The following CEP63 variants were observed in gnomAD, a reference collection of about 807,000 sequenced individuals.
The protein encoded by CEP63 is centrosomal protein of 63 kDa.
CEP63 carries 84 observed loss-of-function variants against 89.1 expected under a neutral mutation model. The observed-to-expected ratio is 0.94, with a 90% CI of 0.79 to 1.13. The LOEUF (loss-of-function observed/expected upper bound fraction) is 1.13, where lower values mean the gene tolerates loss of function less well. Ranked by LOEUF, CEP63 falls within the 50% of genes most tolerant of loss-of-function variation. The probability of loss-of-function intolerance (pLI) is 0.00; values close to 1 mark genes in which losing one functional copy is unlikely to be tolerated. For missense variants in CEP63, 838 were observed against 813.3 expected, an observed-to-expected ratio of 1.03 and a Z score of -0.37; for synonymous variants, 267 against 272.5, an observed-to-expected ratio of 0.98 and a Z score of 0.20.
chr3:134,643,400 G>A, the CEP63 span: 1 of 1,607,726 alleles, frequency 6.2e-7, no homozygotes, highest in Non-Finnish European at 8.5e-7. Flanking sequence ...AGACAGAGAG[G>A]CCTGCAGTGA....
chr3:134,674,587 T>C, the CEP63 span, among the ~76,000 whole-genome samples: 5 of 151,926 alleles, frequency 3.3e-5, no homozygotes, highest in African/African-American at 1.2e-4. Context: ...TCAGGGAAAT[T>C]AAACAAGAAA....
At chr3:134,647,644 G>C in the CEP63 span, 1 of 586,462 alleles carries the variant, frequency 1.7e-6, no homozygotes, top group South Asian at 2.3e-5. Flanking sequence ...AGATGCCCTT[G>C]AGGGAATGAA....
intron 2 of CEP63, among the ~76,000 whole-genome samples, chr3:134,499,068 A>G (rs1941122299): frequency 6.6e-6 from 1 of 151,822 alleles, no homozygotes; most frequent in African/African-American, 2.4e-5. Context: ...AGTTAGGAAA[A>G]TTTTTCTCGC....
At chr3:134,654,262 T>C in the CEP63 span, among the ~76,000 whole-genome samples, 1 of 152,160 alleles carries the variant, frequency 6.6e-6, no homozygotes, top group Non-Finnish European at 1.5e-5. Flanking sequence ...TCCTGGCAGT[T>C]GAAGCTGTCA....
chr3:134,503,571 G>A (rs769559812), intron 2 of CEP63, among the ~76,000 whole-genome samples: 1 of 152,064 alleles, frequency 6.6e-6, no homozygotes, highest in African/African-American at 2.4e-5. Context: ...TTGATTTTCT[G>A]TCTAAATCAC....
the CEP63 span, chr3:134,608,636 G>T: frequency 6.2e-7 from 1 of 1,614,002 alleles, no homozygotes. Context: ...ACTGGCACCT[G>T]CTCCGGGCTC....
At chr3:134,504,931 A>G (rs145484967) in intron 2 of CEP63, among the ~76,000 whole-genome samples, 2 of 152,220 alleles carry the variant, frequency 1.3e-5, no homozygotes, top group Non-Finnish European at 2.9e-5. Flanking sequence ...AATTTCATTT[A>G]TTGAATTCTT....
At chr3:134,645,000 T>G in the CEP63 span, among the ~76,000 whole-genome samples, 1 of 152,232 alleles carries the variant, frequency 6.6e-6, no homozygotes, top group South Asian at 2.1e-4. Flanking sequence ...TGGCAGTGCC[T>G]CGGCTGGCTG....
chr3:134,754,323 C>T, the CEP63 span, among the ~76,000 whole-genome samples: 1 of 152,160 alleles, frequency 6.6e-6, no homozygotes, highest in Non-Finnish European at 1.5e-5. Context: ...CCTGGGCTGC[C>T]CATATTCGCC....
the CEP63 span, among the ~76,000 whole-genome samples, chr3:134,707,640 G>A: frequency 1.3e-5 from 2 of 151,950 alleles, no homozygotes; most frequent in Admixed American, 1.3e-4. Context: ...TGACTTTCAG[G>A]TTGTACAACG....
the CEP63 span, among the ~76,000 whole-genome samples, chr3:134,657,675 A>G: frequency 6.6e-6 from 1 of 152,204 alleles, no homozygotes; most frequent in East Asian, 1.9e-4. Flanking sequence ...CTTAGAATAG[A>G]TTCTTGGAAG....
At chr3:134,704,105 T>A in the CEP63 span, among the ~76,000 whole-genome samples, 2 of 152,216 alleles carry the variant, frequency 1.3e-5, no homozygotes, top group Admixed American at 1.3e-4. Context: ...CGCTGCATAT[T>A]CTCCCAGGCC....
At chr3:134,496,503 G>A (rs962129373) in intron 2 of CEP63, among the ~76,000 whole-genome samples, 4 of 152,058 alleles carry the variant, frequency 2.6e-5, no homozygotes, top group Admixed American at 6.5e-5. Context: ...TGATCTGGAC[G>A]GTTGTCAACA....
the CEP63 span, among the ~76,000 whole-genome samples, chr3:134,643,807 C>T: frequency 6.6e-6 from 1 of 151,800 alleles, no homozygotes; most frequent in African/African-American, 2.4e-5. Flanking sequence ...GGTCTTCTGA[C>T]TCCCAGTTGA....
At chr3:134,645,523 A>T in the CEP63 span, among the ~76,000 whole-genome samples, 1 of 152,268 alleles carries the variant, frequency 6.6e-6, no homozygotes. Flanking sequence ...AGAAAAGGTC[A>T]GCTTCAATAC....
intron 3 of CEP63, among the ~76,000 whole-genome samples, chr3:134,523,037 T>G (rs1473284044): frequency 6.6e-6 from 1 of 152,204 alleles, no homozygotes; most frequent in Non-Finnish European, 1.5e-5. Context: ...AAGCGTTCTC[T>G]TTTCTCTGCA....
At chr3:134,733,938 T>C in the CEP63 span, among the ~76,000 whole-genome samples, 1 of 152,046 alleles carries the variant, frequency 6.6e-6, no homozygotes, top group African/African-American at 2.4e-5. Flanking sequence ...TCTTATTCAA[T>C]GGGGAAAAAC....
chr3:134,780,395 G>A, the CEP63 span: 1 of 152,090 alleles, frequency 6.6e-6, no homozygotes, highest in Non-Finnish European at 1.5e-5. Context: ...TACTCATTAA[G>A]CAATAACTCC....
the CEP63 span, chr3:134,629,702 A>C: frequency 6.3e-7 from 1 of 1,577,056 alleles, no homozygotes; most frequent in Non-Finnish European, 8.6e-7. Flanking sequence ...GTCCCTACAA[A>C]GGAAAAGGAG....
Sources: gnomAD v4.1 joint callset for allele counts (sites outside exome capture counted in the v4.1 genomes callset) on GRCh38, gnomAD v4.1.1 for gene constraint, MANE v1.5 for transcripts, NCBI Gene and HGNC (gene_info 2026-07-23, HGNC 2026-07-21) for gene names.